The following DECR1 variants were observed in gnomAD, a reference collection of about 807,000 sequenced individuals.
DECR1 encodes the protein 2,4-dienoyl-CoA reductase [(3E)-enoyl-CoA-producing], mitochondrial.
Under a neutral mutation model 38.8 loss-of-function variants are expected in DECR1, and 44 were observed. The observed-to-expected ratio is 1.13, with a 90% confidence interval of 0.89 to 1.46. DECR1 has a LOEUF of 1.46. DECR1 is among the 40% of genes most tolerant of loss of function. DECR1 has a pLI of 0.00. For missense variants in DECR1, 428 were observed against 405.5 expected, an observed-to-expected ratio of 1.06 and a Z score of -0.48; for synonymous variants, 148 against 135.2, an observed-to-expected ratio of 1.09 and a Z score of -0.66.
chr8:90,009,572 A>G (rs1024133257), intron 1 of DECR1, among the ~76,000 whole-genome samples: 1 of 152,004 alleles, frequency 6.6e-6, no homozygotes, highest in African/African-American at 2.4e-5. Flanking sequence ...CTCAATAAAC[A>G]CTTGCTTAAA....
chr8:90,039,065 T>C (rs1014701316), intron 6 of DECR1, among the ~76,000 whole-genome samples: 4 of 152,198 alleles, frequency 2.6e-5, no homozygotes, highest in Non-Finnish European at 4.4e-5. Context: ...TCATTAAACA[T>C]GTGCCTTCCT....
chr8:90,010,889 G>A (rs544171266), intron 1 of DECR1, among the ~76,000 whole-genome samples: 3 of 151,832 alleles, frequency 2.0e-5, no homozygotes, highest in South Asian at 2.1e-4. Flanking sequence ...TTTCCTCTAC[G>A]TACTTCTTGT....
At chr8:90,037,927 A>G (rs1008715225) in intron 6 of DECR1, among the ~76,000 whole-genome samples, 3 of 152,106 alleles carry the variant, frequency 2.0e-5, no homozygotes, top group Admixed American at 6.6e-5. Flanking sequence ...TTCTAAGAAC[A>G]TATATGTCTG....
intron 7 of DECR1, among the ~76,000 whole-genome samples, chr8:90,043,609 T>G (rs1034543764): frequency 2.7e-5 from 4 of 146,926 alleles, no homozygotes; most frequent in African/African-American, 1.1e-4. Flanking sequence ...ACTAAAGGAC[T>G]TTTGGGTTAT....
chr8:90,045,704 T>A (rs1045888404), intron 8 of DECR1, among the ~76,000 whole-genome samples: 1 of 151,844 alleles, frequency 6.6e-6, no homozygotes, highest in Non-Finnish European at 1.5e-5. Context: ...CAGCATGGAG[T>A]TGGAGATCTG....
intron 5 of DECR1, 97 bp from the exon 6 acceptor site, chr8:90,036,744 C>T: frequency 2.7e-6 from 2 of 735,978 alleles, no homozygotes; most frequent in East Asian, 2.7e-5. Context: ...TTTTCTTATA[C>T]CCTCTTTAAT....
In DECR1 at chr8:90,036,921, G is replaced by A. The variant is rs745737599; in HGVS notation, c.646G>A (p.Gly216Ser). The A allele has an allele frequency of 1.7e-5, 27 of 1,612,900 alleles. No individual in the cohort carries two copies. Among genetic ancestry groups the A allele is most frequent in the Middle Eastern group, 3.3e-4 (2 of 6,076 alleles). The change falls in exon 6 of 10, where the codon GGT becomes AGT. Residue 216 changes from glycine (G) to serine (S), a missense_variant. Transcript: ENST00000220764. ...AGTACCAAGTGCTTCTGCCAAAGCA[G>A]GTGTGGAAGCCATGAGCAAGTAAGT... is the stretch of plus-strand genomic sequence containing the variant. Reference protein sequence around the residue: ...FVVPSASAKAGVEAMSKSLAA... With the variant: ...FVVPSASAKASVEAMSKSLAA...
intron 1 of DECR1, among the ~76,000 whole-genome samples, chr8:90,016,297 A>G (rs1400528248): frequency 6.6e-6 from 1 of 152,204 alleles, no homozygotes; most frequent in African/African-American, 2.4e-5. Flanking sequence ...ATTTTTGTCC[A>G]GATTATTCTT....
intron 1 of DECR1, chr8:90,006,281 T>C (rs756606537): frequency 8.5e-6 from 6 of 704,028 alleles, no homozygotes; most frequent in Non-Finnish European, 1.6e-5. Context: ...GGGGGAGGTA[T>C]GTCCAGTTTT....
chr8:90,005,159 T>A (rs1332098912), intron 1 of DECR1: 1 of 348,946 alleles, frequency 2.9e-6, no homozygotes, highest in Non-Finnish European at 5.6e-6. Flanking sequence ...GTGGTTTGTT[T>A]GGTATTGTGG....
intron 5 of DECR1, among the ~76,000 whole-genome samples, chr8:90,032,798 G>A (rs1813530896): frequency 6.6e-6 from 1 of 152,134 alleles, no homozygotes; most frequent in African/African-American, 2.4e-5. Context: ...GTGAAACTAG[G>A]GGGCTGGGTT....
Position 90,006,830 on chromosome 8 carries a change from A to G in DECR1, c.69+5269A>G, listed in dbSNP as rs555095384. Among the ~76,000 whole-genome samples the G allele has an allele frequency of 1.8e-4, 28 of 152,286 alleles. No homozygotes were observed. In the East Asian group the frequency reaches 5.2e-3, roughly 28 times the overall value. ...TAGCATTAGAGCTACTGGGGACTAA[A>G]ACGAACTGGGCTTGGTTTGAATGTA... On this transcript the variant is annotated intron_variant, in intron 1 of 9. Transcript: ENST00000220764.
chr8:90,042,854 T>C (rs1306612766), intron 7 of DECR1, 54 bp downstream of exon 7: 7 of 1,421,602 alleles, frequency 4.9e-6, no homozygotes, highest in Non-Finnish European at 7.0e-6. Flanking sequence ...AATGAAACAC[T>C]GATAGGTATA....
intron 5 of DECR1, among the ~76,000 whole-genome samples, chr8:90,025,663 G>A (rs1031438584): frequency 3.9e-5 from 6 of 152,252 alleles, no homozygotes; most frequent in South Asian, 2.1e-4. Context: ...CATGTCATCT[G>A]CAAACAGGAA....
intron 1 of DECR1, among the ~76,000 whole-genome samples, chr8:90,013,362 G>A (rs547151155): frequency 7.5e-4 from 101 of 134,530 alleles, no homozygotes; most frequent in African/African-American, 2.4e-3. Context: ...ATGAAATTTA[G>A]TTGTGGTTCC....
Position 90,051,970 on chromosome 8 carries a change from T to A in DECR1, c.*73T>A. The A allele has an allele frequency of 7.6e-7, 1 of 1,319,764 alleles. No homozygotes were observed. Among genetic ancestry groups the A allele is most frequent in the Non-Finnish European group, 1.1e-6 (1 of 922,984 alleles). 81.8% of individuals were successfully genotyped at this position (1,319,764 alleles called of 1,614,324 possible). On this transcript the variant is annotated 3_prime_UTR_variant, in exon 10 of 10. Transcript: ENST00000220764. ...AACAAATTATCTCTCATCTTTTGAC[T>A]ATTTCAAGTCTAATAAATTCTTAAT...
intron 5 of DECR1, 83 bp downstream of exon 5, chr8:90,021,139 C>A (rs1813149908): frequency 4.5e-6 from 5 of 1,099,736 alleles, no homozygotes; most frequent in Admixed American, 3.2e-5. Flanking sequence ...CTTTAAAAGT[C>A]AATGAGACAG....
intron 1 of DECR1, among the ~76,000 whole-genome samples, chr8:90,012,418 G>T (rs2130023560): frequency 6.6e-6 from 1 of 152,192 alleles, no homozygotes. Context: ...CTCCCAAAGT[G>T]CTGGGATTAC....
At chr8:90,023,051 G>A (rs1437840762) in intron 5 of DECR1, among the ~76,000 whole-genome samples, 3 of 152,150 alleles carry the variant, frequency 2.0e-5, no homozygotes, top group Non-Finnish European at 2.9e-5. Context: ...AGGGGAGTAC[G>A]CGGTAAAGGA....
Sources: allele counts gnomAD v4.1 joint callset (sites outside exome capture counted in the v4.1 genomes callset), GRCh38; gene constraint gnomAD v4.1.1; transcripts MANE v1.5; gene names NCBI Gene and HGNC (gene_info 2026-07-23, HGNC 2026-07-21).